NEBL: variants seen among roughly 807,000 people sequenced by gnomAD.
The protein encoded by NEBL is LIM and SH3 protein 2.
A neutral mutation model predicts 140.2 loss-of-function variants in NEBL; 122 were observed. The ratio of observed to expected loss-of-function variants is 0.87; its 90% CI spans 0.75 to 1.01. NEBL has a LOEUF of 1.01. Ranked by LOEUF, NEBL falls within the 50% of genes least tolerant of loss-of-function variation. NEBL has a pLI of 0.00. For synonymous variants in NEBL, 436 were observed against 398.9 expected (o/e 1.09, Z -1.11); for missense variants, 1,365 against 1,231.3 (o/e 1.11, Z -1.62).
At chr10:21,017,286 T>C (rs574822866) in intron 3 of NEBL, among the ~76,000 whole-genome samples, 1 of 152,360 alleles carries the variant, frequency 6.6e-6, no homozygotes, top group South Asian at 2.1e-4. Flanking sequence ...ATGATGATGA[T>C]GTCTTTATAT....
intron 2 of NEBL, among the ~76,000 whole-genome samples, chr10:21,035,295 G>A (rs1346098113): frequency 6.6e-6 from 1 of 150,952 alleles, no homozygotes; most frequent in African/African-American, 2.4e-5. Flanking sequence ...ACCATGCCCA[G>A]CCCCCAAGCT....
At chr10:20,873,917 T>C (rs1279130097) in intron 5 of NEBL, among the ~76,000 whole-genome samples, 1 of 152,166 alleles carries the variant, frequency 6.6e-6, no homozygotes, top group Non-Finnish European at 1.5e-5. Context: ...TAACTTTAAA[T>C]GAAGTTTCAT....
rs145986129 is a variant in NEBL, at chr10:21,102,076, T to A, written c.164+70307A>T. 7.1e-3 allele frequency among the ~76,000 whole-genome samples: 1,078 copies of A among 152,318 alleles called. 8 individuals are homozygous for A. Among genetic ancestry groups the A allele is most frequent in the Non-Finnish European group, 0.011 (753 of 68,034 alleles). ...AACTACCTGTAACTATCCTGAACAATTCATTTTACTTCTCTGCAATGTCAA... is the reference window on the plus strand; with the variant it reads ...AACTACCTGTAACTATCCTGAACAAATCATTTTACTTCTCTGCAATGTCAA... On this transcript the variant is annotated intron_variant, in intron 2 of 6. Coordinates refer to the NEBL transcript ENST00000417816.
At chr10:21,124,345 GA>G (rs1391897140) in intron 2 of NEBL, among the ~76,000 whole-genome samples, 1 of 152,188 alleles carries the variant, frequency 6.6e-6, no homozygotes, top group African/African-American at 2.4e-5. Flanking sequence ...ATGCAGGAAC[GA>G]AAAGAAATCC....
At chr10:21,267,460 T>A (rs757269756) in intron 1 of NEBL, among the ~76,000 whole-genome samples, 4 of 152,218 alleles carry the variant, frequency 2.6e-5, no homozygotes, top group Non-Finnish European at 4.4e-5. Flanking sequence ...AAAAAACTTT[T>A]CCCAGAAGCA....
intron 3 of NEBL, among the ~76,000 whole-genome samples, chr10:21,205,876 C>T (rs1841817380): frequency 6.6e-6 from 1 of 152,090 alleles, no homozygotes; most frequent in Non-Finnish European, 1.5e-5. Flanking sequence ...CTAAGGAAAG[C>T]CTCCATAGAA....
intron 4 of NEBL, among the ~76,000 whole-genome samples, chr10:20,924,796 G>T (rs574092542): frequency 2.0e-5 from 3 of 152,046 alleles, no homozygotes; most frequent in African/African-American, 7.3e-5. Context: ...ACAAACGGTC[G>T]TTCAGTTCCA....
rs778910859 is a variant in NEBL at position 20,781,294 on chromosome 10, C to T, written c.*4453G>A. ...CAATGTTTTCTTCAAAACTGTTACA[C>T]TCTCAAAGTTAGTCTCGCAAATTAA... On this transcript the variant is annotated 3_prime_UTR_variant, in exon 28 of 28. Coordinates refer to ENST00000377122, the MANE Select transcript of NEBL (RefSeq NM_006393.3). The T allele has an allele frequency of 3.9e-5, 6 of 152,718 alleles. No individual in the cohort carries two copies. The highest frequency in any genetic ancestry group is 1.4e-4 in the African/African-American group (6 of 41,576). The allele number at this position is 152,718 out of a possible 1,614,324, so 9.5% of individuals were successfully genotyped here.
intron 3 of NEBL, among the ~76,000 whole-genome samples, chr10:21,207,553 T>C (rs1841847064): frequency 6.6e-6 from 1 of 152,144 alleles, no homozygotes; most frequent in African/African-American, 2.4e-5. Flanking sequence ...TTCTCCACCC[T>C]ACTTTGCCCT....
At chr10:21,147,877 C>T (rs914361641) in intron 2 of NEBL, among the ~76,000 whole-genome samples, 4 of 152,204 alleles carry the variant, frequency 2.6e-5, no homozygotes, top group African/African-American at 9.7e-5. Context: ...AATTCACTCA[C>T]AGGTTCCTTC....
chr10:21,047,320 T>A (rs1314485447), intron 2 of NEBL, among the ~76,000 whole-genome samples: 4 of 152,148 alleles, frequency 2.6e-5, no homozygotes, highest in African/African-American at 7.2e-5. Flanking sequence ...CTTGAACAAG[T>A]CACATCCTTC....
intron 1 of NEBL, among the ~76,000 whole-genome samples, chr10:21,290,350 A>G (rs1843125297): frequency 6.6e-6 from 1 of 152,188 alleles, no homozygotes; most frequent in African/African-American, 2.4e-5. Context: ...AAAACCTTAG[A>G]AGCTACCTCA....
chr10:21,014,349 A>T (rs979706307), intron 3 of NEBL, among the ~76,000 whole-genome samples: 1 of 152,138 alleles, frequency 6.6e-6, no homozygotes, highest in Admixed American at 6.5e-5. Context: ...CCTGAGAGTA[A>T]GGGCCTCATC....
rs77245635 is a variant in NEBL, at chr10:21,156,307, C to G, written c.164+16076G>C. Reference sequence around the variant, plus strand: ...ACAAATGTGCTTTTGTACAAATGGACAAAGAGTTATCAAAAAATTAACTCA... The same window carrying G: ...ACAAATGTGCTTTTGTACAAATGGAGAAAGAGTTATCAAAAAATTAACTCA... On this transcript the variant is annotated intron_variant, in intron 2 of 6. Transcript: ENST00000417816. 6.2e-3 allele frequency among the ~76,000 whole-genome samples: 939 copies of G among 152,140 alleles called. 44 individuals carry two copies. The East Asian group carries it at 0.12, about 20-fold the overall frequency.
intron 3 of NEBL, among the ~76,000 whole-genome samples, chr10:21,212,081 T>C (rs1162289752): frequency 6.6e-6 from 1 of 151,696 alleles, no homozygotes; most frequent in African/African-American, 2.4e-5. Flanking sequence ...TATACAACTA[T>C]TACACAGTAT....
At chr10:21,225,742 G>GGTGAAT (rs994302122) in intron 3 of NEBL, among the ~76,000 whole-genome samples, 37 of 152,282 alleles carry the variant, frequency 2.4e-4, no homozygotes, top group African/African-American at 8.9e-4. Context: ...GTCAGCTTGT[G>GGTGAAT]GTGAATGCTG....
At position 20,921,831 on chromosome 10, in the gene NEBL, C is replaced by G. The variant is rs571496125; in HGVS notation, c.357+39841G>C. ...CACATGCACACCCCCACACACATAG[C>G]TATACCTATATTTCCACATCCATAC... On this transcript the variant is annotated intron_variant, in intron 4 of 6. Transcript: ENST00000417816. Among the ~76,000 whole-genome samples the G allele has an allele frequency of 2.2e-4, 34 of 152,156 alleles. 1 individual carries two copies. The highest frequency in any genetic ancestry group is 2.8e-4 in the Non-Finnish European group (19 of 67,984).
intron 2 of NEBL, among the ~76,000 whole-genome samples, chr10:20,891,604 C>A (rs1381603280): frequency 1.3e-5 from 2 of 152,124 alleles, no homozygotes; most frequent in Non-Finnish European, 2.9e-5. Flanking sequence ...ACGTTCAGGA[C>A]AGGAGGACTG....
chr10:21,140,593 T>A (rs1839583589), intron 2 of NEBL, among the ~76,000 whole-genome samples: 2 of 152,212 alleles, frequency 1.3e-5, no homozygotes, highest in Admixed American at 1.3e-4. Context: ...TTGTTCTTAT[T>A]TCCTACTCTA....
Sources: allele counts gnomAD v4.1 joint callset (sites outside exome capture counted in the v4.1 genomes callset), GRCh38; gene constraint gnomAD v4.1.1; transcripts MANE v1.5; gene names NCBI Gene and HGNC (gene_info 2026-07-23, HGNC 2026-07-21).